The following HUWE1 variants were observed in gnomAD, a reference collection of about 807,000 sequenced individuals.
The protein encoded by HUWE1 is HECT, UBA and WWE domain containing E3 ubiquitin protein ligase 1.
A neutral mutation model predicts 299.4 loss-of-function variants in HUWE1; 18 were observed. The observed-to-expected ratio is 0.06, with a 90% CI of 0.04 to 0.09. The LOEUF is 0.09. HUWE1 is among the 10% of genes least tolerant of loss of function. The probability of loss-of-function intolerance (pLI) is 1.00; values close to 1 mark genes in which losing one functional copy is unlikely to be tolerated. For missense variants in HUWE1, 1,832 were observed against 3,462.3 expected, an observed-to-expected ratio of 0.53 and a Z score of 11.82; for synonymous variants, 1,317 against 1,286.1, an observed-to-expected ratio of 1.02 and a Z score of -0.51.
chrX:53,614,396 C>A (rs2065679757), intron 23 of HUWE1, 138 bp downstream of exon 23: 2 of 539,505 alleles, frequency 3.7e-6, no homozygotes, highest in Admixed American at 5.3e-5. Context: ...CTAATACATT[C>A]TTAGAACCGG....
intron 3 of HUWE1, among the ~76,000 whole-genome samples, chrX:53,669,692 A>G (rs1557048675): frequency 8.9e-6 from 1 of 112,650 alleles, no homozygotes; most frequent in Non-Finnish European, 1.9e-5. Flanking sequence ...ACTTCTGCAA[A>G]TAATTCACTT....
intron 3 of HUWE1, among the ~76,000 whole-genome samples, chrX:53,669,329 T>C (rs2069403769): frequency 8.9e-6 from 1 of 112,400 alleles, no homozygotes; most frequent in Non-Finnish European, 1.9e-5. Flanking sequence ...TTATTTCAAA[T>C]GTTCTTAAAT....
In HUWE1 at chrX:53,536,361, G is replaced by C. The variant is rs921263797; in HGVS notation, c.12425+19C>G. 1.7e-6 allele frequency: 2 copies of C among 1,208,249 alleles called. No individual in the cohort carries two copies. Among genetic ancestry groups the C allele is most frequent in the African/African-American group, 1.7e-5 (1 of 57,653 alleles). ...CCCCCAGGACTGAAGACAGTCCCAGGACTATGCCTCATCCTCACCTGACTG... is the reference window on the plus strand; with the variant it reads ...CCCCCAGGACTGAAGACAGTCCCAGCACTATGCCTCATCCTCACCTGACTG... On this transcript the variant is annotated intron_variant, in intron 79 of 83. Coordinates refer to ENST00000262854, the MANE Select transcript of HUWE1 (RefSeq NM_031407.7).
chrX:53,533,278 A>G lies in HUWE1; in HGVS notation c.*31T>C. 1 of 1,031,367 alleles carries G rather than the reference A, an allele frequency of 9.7e-7. No homozygotes were observed. Among genetic ancestry groups the G allele is most frequent in the African/African-American group, 1.8e-5 (1 of 54,250 alleles). The allele number at this position is 1,031,367 out of a possible 1,213,427, so 85.0% of individuals were successfully genotyped here. On this transcript the variant is annotated 3_prime_UTR_variant, in exon 84 of 84. Transcript: ENST00000262854. Reference sequence around the variant, plus strand: ...CCCTCCCCAGGTCCAACAATGGTAAAAAAAACCCCACGGAGTTGGGCAGGG... The same window carrying G: ...CCCTCCCCAGGTCCAACAATGGTAAGAAAAACCCCACGGAGTTGGGCAGGG...
intron 7 of HUWE1, among the ~76,000 whole-genome samples, chrX:53,643,899 T>C (rs1238293071): frequency 9.0e-6 from 1 of 111,669 alleles, no homozygotes; most frequent in Non-Finnish European, 1.9e-5. Flanking sequence ...TCCTGGCTCA[T>C]TGCAGCCTTC....
intron 80 of HUWE1, among the ~76,000 whole-genome samples, 154 bp from the exon 81 acceptor site, chrX:53,535,655 G>C (rs782593478): frequency 3.6e-5 from 4 of 111,633 alleles, no homozygotes; most frequent in African/African-American, 6.5e-5. Flanking sequence ...CTCATAGCTC[G>C]CAACTCCCCT....
chrX:53,678,483 T>C (rs1557051932), intron 3 of HUWE1, among the ~76,000 whole-genome samples: 1 of 111,846 alleles, frequency 8.9e-6, no homozygotes, highest in African/African-American at 3.3e-5. Context: ...ACCTTATAGA[T>C]AGTGAGATCA....
intron 3 of HUWE1, among the ~76,000 whole-genome samples, chrX:53,673,571 T>C (rs1420485348): frequency 8.9e-6 from 1 of 111,832 alleles, no homozygotes; most frequent in East Asian, 2.8e-4. Flanking sequence ...ACCCAAATAA[T>C]GTTCGTTGTA....
intron 24 of HUWE1, among the ~76,000 whole-genome samples, chrX:53,608,259 A>C (rs1395292769): frequency 4.5e-5 from 5 of 111,878 alleles, no homozygotes; most frequent in African/African-American, 1.6e-4. Context: ...AAATGCTAAG[A>C]GGTCTCTCCC....
In HUWE1 at chrX:53,551,262, A is replaced by G. The variant is rs1556928654; in HGVS notation, c.9096+4T>C. On this transcript the variant is annotated splice_donor_region_variant and intron_variant, in intron 64 of 83. Transcript: ENST00000262854. ...CTGGCCCCACCACCTTCCCGCTCAC[A>G]TACTTCCTCCTGAATGGCTGGAGGC... 2.5e-6 allele frequency: 3 copies of G among 1,210,431 alleles called. No homozygotes were observed. Among genetic ancestry groups the G allele is most frequent in the East Asian group, 5.9e-5 (2 of 33,794 alleles).
At chrX:53,614,055 G>C (rs1277355999) in intron 23 of HUWE1, among the ~76,000 whole-genome samples, 2 of 110,919 alleles carry the variant, frequency 1.8e-5, no homozygotes, top group Non-Finnish European at 3.8e-5. Flanking sequence ...ACCTGACGTC[G>C]GGAGTTTGAG....
intron 47 of HUWE1, among the ~76,000 whole-genome samples, chrX:53,573,179 C>T (rs6654697): frequency 0.014 from 1,512 of 111,576 alleles, 26 homozygotes; most frequent in African/African-American, 0.047. Flanking sequence ...AAGGGACTTT[C>T]AATAGAACAA....
At position 53,565,338 on chromosome X, in the gene HUWE1, G is replaced by GA. The variant is rs1483335081; in HGVS notation, c.6708-100dup. The GA allele has an allele frequency of 5.1e-6, 4 of 783,716 alleles. No individual in the cohort carries two copies. The Admixed American group carries it at 1.1e-4, about 22-fold the overall frequency. The allele number at this position is 783,716 out of a possible 1,213,427, so 64.6% of individuals were successfully genotyped here. ...CTTCTTACAATGGAATCTACTAAGA[G>GA]AAAAGGGGCATAAGGTCGTACAACT... On this transcript the variant is annotated intron_variant, in intron 49 of 83. Transcript: ENST00000262854.
At chrX:53,614,473 TAG>T in intron 23 of HUWE1, 59 bp downstream of exon 23, 4 of 823,018 alleles carry the variant, frequency 4.9e-6, no homozygotes, top group Non-Finnish European at 7.4e-6. Flanking sequence ...CATTAAGACT[TAG>T]AGAGGTGATA....
At position 53,555,330 on chromosome X, in the gene HUWE1, CTATT is replaced by C. The variant is rs1300034132; in HGVS notation, c.8207-414_8207-411del. On this transcript the variant is annotated intron_variant, in intron 60 of 83. Transcript: ENST00000262854. ...AATGGTCAGAATTTCGTTCAAAACTCTATTTGTTTTTTTTGGAGACAGGGTCTCA... is the reference window on the plus strand; with the variant it reads ...AATGGTCAGAATTTCGTTCAAAACTCTGTTTTTTTTGGAGACAGGGTCTCA... Among the ~76,000 whole-genome samples the C allele has an allele frequency of 1.3e-4, 14 of 111,741 alleles. 1 individual carries two copies. In the South Asian group the frequency reaches 2.7e-3, roughly 21 times the overall value.
intron 80 of HUWE1, among the ~76,000 whole-genome samples, 193 bp from the exon 81 acceptor site, chrX:53,535,694 G>C (rs2061011818): frequency 1.8e-5 from 2 of 111,555 alleles, no homozygotes; most frequent in African/African-American, 6.5e-5. Context: ...GTAGGAAAGA[G>C]GAAAATACTC....
At position 53,618,263 on chromosome X, in the gene HUWE1, A is replaced by G. The variant is rs181756498; in HGVS notation, c.1673-817T>C. ...AAGCTTATAAACCTATAGAAAATAG[A>G]GCAATAATATAAATTAGAAACAAGA... On this transcript the variant is annotated intron_variant, in intron 19 of 83. Transcript: ENST00000262854. Among the ~76,000 whole-genome samples the G allele has an allele frequency of 1.2e-4, 13 of 111,977 alleles. No individual in the cohort carries two copies. The East Asian group carries it at 3.6e-3, about 31-fold the overall frequency.
chrX:53,559,096 C>T (rs1556938303), intron 57 of HUWE1, 36 bp from the exon 58 acceptor site: 3 of 1,080,254 alleles, frequency 2.8e-6, no homozygotes, highest in Non-Finnish European at 1.3e-6. Flanking sequence ...GATTCTTGGC[C>T]TTGTCAAGCA....
intron 7 of HUWE1, among the ~76,000 whole-genome samples, chrX:53,644,348 T>C (rs782666184): frequency 8.9e-6 from 1 of 112,310 alleles, no homozygotes; most frequent in South Asian, 3.7e-4. Flanking sequence ...ATCGAGTGCT[T>C]TGGAAGCATC....
Sources: allele counts gnomAD v4.1 joint callset (sites outside exome capture counted in the v4.1 genomes callset), GRCh38; gene constraint gnomAD v4.1.1; transcripts MANE v1.5; gene names NCBI Gene and HGNC (gene_info 2026-07-23, HGNC 2026-07-21).